The following ADCY2 variants were observed in gnomAD, a reference collection of about 807,000 sequenced individuals.
ADCY2 encodes adenylate cyclase 2, also known as adenylate cyclase type 2.
ADCY2 carries 31 observed loss-of-function variants against 125.2 expected under a neutral mutation model. The observed-to-expected ratio is 0.25, with a 90% CI of 0.19 to 0.33. The LOEUF (loss-of-function observed/expected upper bound fraction) is 0.33, where lower values mean the gene tolerates loss of function less well. Among genes scored for constraint, ADCY2 ranks in the 10% least tolerant of loss-of-function variants. The pLI is 1.00. For synonymous variants in ADCY2, 512 were observed against 548.4 expected (o/e 0.93, Z 0.93); for missense variants, 904 against 1,418.2 (o/e 0.64, Z 5.82).
At chr5:7,769,820 G>T (rs1272188167) in intron 17 of ADCY2, among the ~76,000 whole-genome samples, 1 of 152,210 alleles carries the variant, frequency 6.6e-6, no homozygotes, top group Non-Finnish European at 1.5e-5. Context: ...GATAATGGTG[G>T]CTGTTACCTT....
chr5:7,549,821 C>T (rs1283284560), intron 3 of ADCY2, among the ~76,000 whole-genome samples: 3 of 152,164 alleles, frequency 2.0e-5, no homozygotes, highest in African/African-American at 4.8e-5. Context: ...AGCCCTAGGT[C>T]GTACCCGGAA....
intron 4 of ADCY2, among the ~76,000 whole-genome samples, chr5:7,671,940 A>G (rs987571858): frequency 1.3e-5 from 2 of 152,194 alleles, no homozygotes; most frequent in African/African-American, 4.8e-5. Flanking sequence ...TTGGAGTCTC[A>G]TTCAAATGAG....
At chr5:7,607,446 C>G (rs1230347596) in intron 3 of ADCY2, among the ~76,000 whole-genome samples, 1 of 152,250 alleles carries the variant, frequency 6.6e-6, no homozygotes, top group East Asian at 1.9e-4. Context: ...AAAGTAATAA[C>G]CCACTGACAC....
At chr5:7,511,857 C>T (rs1285701800) in intron 2 of ADCY2, among the ~76,000 whole-genome samples, 1 of 151,842 alleles carries the variant, frequency 6.6e-6, no homozygotes, top group Non-Finnish European at 1.5e-5. Context: ...GGAGATAGCA[C>T]CAGGACTAGA....
At chr5:7,712,927 A>T in intron 11 of ADCY2, 28 bp downstream of exon 11, 1 of 1,527,408 alleles carries the variant, frequency 6.5e-7, no homozygotes, top group Non-Finnish European at 9.1e-7. Context: ...CTGATTTTTT[A>T]AAGCTTATTG....
intron 1 of ADCY2, among the ~76,000 whole-genome samples, chr5:7,412,162 T>C (rs1739749934): frequency 6.6e-6 from 1 of 152,220 alleles, no homozygotes; most frequent in Admixed American, 6.5e-5. Context: ...AGCATCTTCT[T>C]GTTCCCTGGT....
intron 2 of ADCY2, among the ~76,000 whole-genome samples, chr5:7,493,708 A>G (rs905165233): frequency 1.3e-5 from 2 of 152,106 alleles, no homozygotes; most frequent in African/African-American, 4.8e-5. Context: ...ACACATAGAA[A>G]GTGATGGAGG....
intron 18 of ADCY2, among the ~76,000 whole-genome samples, chr5:7,783,493 G>T (rs1743983868): frequency 6.6e-6 from 1 of 151,802 alleles, no homozygotes; most frequent in Non-Finnish European, 1.5e-5. Flanking sequence ...AAAGCCTCTT[G>T]TTATCTCGTT....
intron 3 of ADCY2, among the ~76,000 whole-genome samples, chr5:7,540,414 A>G (rs1451652427): frequency 1.3e-5 from 2 of 152,166 alleles, no homozygotes; most frequent in African/African-American, 4.8e-5. Flanking sequence ...AATTGGTCTC[A>G]ACACCTCCAC....
chr5:7,492,131 C>T (rs1392871117), intron 2 of ADCY2, among the ~76,000 whole-genome samples: 1 of 152,064 alleles, frequency 6.6e-6, no homozygotes, highest in Non-Finnish European at 1.5e-5. Flanking sequence ...AAATTCTTGA[C>T]CAGGTTGAAA....
chr5:7,819,832 G>T (rs1579476947), intron 23 of ADCY2, among the ~76,000 whole-genome samples: 1 of 152,200 alleles, frequency 6.6e-6, no homozygotes, highest in African/African-American at 2.4e-5. Flanking sequence ...TGTAGAATCA[G>T]TTGGAACCAC....
intron 4 of ADCY2, among the ~76,000 whole-genome samples, chr5:7,633,329 G>A (rs933448983): frequency 2.0e-5 from 3 of 151,592 alleles, no homozygotes; most frequent in Non-Finnish European, 4.4e-5. Context: ...TACTCTACTC[G>A]GGAGGCTAAG....
At chr5:7,649,491 GT>G (rs946837036) in intron 4 of ADCY2, among the ~76,000 whole-genome samples, 2 of 152,216 alleles carry the variant, frequency 1.3e-5, no homozygotes, top group Non-Finnish European at 2.9e-5. Context: ...TTTTTCTTCT[GT>G]TTATTGTATT....
In ADCY2 at chr5:7,435,599, A is replaced by G. The variant is rs570311398; in HGVS notation, c.408+20829A>G. Among the ~76,000 whole-genome samples the G allele has an allele frequency of 3.9e-5, 6 of 152,368 alleles. No individual in the cohort carries two copies. The East Asian group carries it at 9.6e-4, about 24-fold the overall frequency. Reference sequence around the variant, plus strand: ...CCTTAAGAATTCAAAACGATTTCTTATAGTTCCAATTGGAAAATCATGGCC... The same window carrying G: ...CCTTAAGAATTCAAAACGATTTCTTGTAGTTCCAATTGGAAAATCATGGCC... On this transcript the variant is annotated intron_variant, in intron 2 of 24. Coordinates refer to ENST00000338316, the MANE Select transcript of ADCY2 (RefSeq NM_020546.3).
intron 2 of ADCY2, among the ~76,000 whole-genome samples, chr5:7,444,155 C>T (rs1186944182): frequency 4.7e-5 from 7 of 149,304 alleles, no homozygotes; most frequent in Admixed American, 3.3e-4. Context: ...GCTCTGTCTC[C>T]CCGGCTGGAG....
chr5:7,418,658 T>TTTTTTG (rs1561014689), intron 2 of ADCY2, among the ~76,000 whole-genome samples: 1 of 135,286 alleles, frequency 7.4e-6, no homozygotes, highest in African/African-American at 2.9e-5. Flanking sequence ...TTTTTTTTTT[T>TTTTTTG]TTTTTTTTTT....
intron 4 of ADCY2, among the ~76,000 whole-genome samples, chr5:7,684,468 C>T (rs1324463436): frequency 2.0e-5 from 3 of 152,210 alleles, no homozygotes; most frequent in East Asian, 1.9e-4. Flanking sequence ...TAAACAGTTC[C>T]GGTTTAGAAA....
intron 20 of ADCY2, chr5:7,793,634 T>C (rs796497899): frequency 3.9e-5 from 6 of 152,336 alleles, no homozygotes; most frequent in African/African-American, 1.4e-4. Context: ...CTCGGAAACT[T>C]TCCAGGAGCA....
intron 4 of ADCY2, among the ~76,000 whole-genome samples, chr5:7,633,594 T>A (rs1738398653): frequency 6.6e-6 from 1 of 152,218 alleles, no homozygotes. Context: ...AATGATAAAA[T>A]TAAACCTTCT....
Sources: allele counts gnomAD v4.1 joint callset (sites outside exome capture counted in the v4.1 genomes callset), GRCh38; gene constraint gnomAD v4.1.1; transcripts MANE v1.5; gene names NCBI Gene and HGNC (gene_info 2026-07-23, HGNC 2026-07-21).